Variants in MCM5 observed in about 807,000 individuals in gnomAD.
MCM5 encodes minichromosome maintenance complex component 5, also known as DNA replication licensing factor MCM5.
A neutral mutation model predicts 79.9 loss-of-function variants in MCM5; 46 were observed. The observed-to-expected ratio is 0.58, with a 90% CI of 0.45 to 0.74. The LOEUF is 0.74. MCM5 is among the 30% of genes least tolerant of loss of function. MCM5 has a pLI of 0.00. For missense variants in MCM5, 883 were observed against 1,017.0 expected (o/e 0.87, Z 1.79); for synonymous variants, 404 against 390.5 (o/e 1.03, Z -0.41).
chr22:35,401,450 C>G (rs1932048224), intron 2 of MCM5: 2 of 470,980 alleles, frequency 4.2e-6, no homozygotes, highest in Non-Finnish European at 8.8e-6. Context: ...GAAGCTGGAC[C>G]TGGCTCCTGC....
the MCM5 span, among the ~76,000 whole-genome samples, chr22:35,438,867 C>CCATT: frequency 4.0e-5 from 6 of 149,398 alleles, no homozygotes; most frequent in East Asian, 1.2e-3. Context: ...ATCCATCCAT[C>CCATT]CATCCATCCA....
chr22:35,453,425 CACAGAG>C, the MCM5 span, among the ~76,000 whole-genome samples: 60 of 127,244 alleles, frequency 4.7e-4, no homozygotes, highest in South Asian at 4.9e-4. Context: ...TTCAGAGAGA[CACAGAG>C]ACAGAGACAG....
the MCM5 span, among the ~76,000 whole-genome samples, chr22:35,450,062 G>C: frequency 1.7e-4 from 26 of 152,308 alleles, no homozygotes; most frequent in African/African-American, 5.3e-4. Context: ...GGGATGGTTG[G>C]GCCTTGGGCT....
chr22:35,421,127 CAAAAAAAAAAAAAA>C (rs133430), intron 14 of MCM5, among the ~76,000 whole-genome samples, 177 bp from the exon 15 acceptor site: 1 of 88,918 alleles, frequency 1.1e-5, no homozygotes, highest in Non-Finnish European at 2.1e-5. Flanking sequence ...GACTTTGTCT[CAAAAAAAAAAAAAA>C]AAAAAAAAAA....
chr22:35,440,162 T>TA, the MCM5 span, among the ~76,000 whole-genome samples: 1 of 152,224 alleles, frequency 6.6e-6, no homozygotes, highest in African/African-American at 2.4e-5. Context: ...TCATGATACT[T>TA]AGACTTTAAA....
the MCM5 span, among the ~76,000 whole-genome samples, chr22:35,447,805 T>G: frequency 6.6e-6 from 1 of 152,114 alleles, no homozygotes. Flanking sequence ...TCCACAGCCT[T>G]CGGGTTGGGG....
intron 6 of MCM5, chr22:35,410,308 G>A (rs778003831): frequency 1.9e-4 from 36 of 188,550 alleles, no homozygotes; most frequent in Admixed American, 7.0e-4. Flanking sequence ...GGCAAAAAGG[G>A]CGAGTGGCCC....
At chr22:35,414,845 T>A (rs1376143508) in intron 9 of MCM5, among the ~76,000 whole-genome samples, 1 of 152,036 alleles carries the variant, frequency 6.6e-6, no homozygotes, top group African/African-American at 2.4e-5. Context: ...AACCCAAGTG[T>A]CTGATGAGCT....
chr22:35,447,990 G>T, the MCM5 span, among the ~76,000 whole-genome samples: 2 of 152,160 alleles, frequency 1.3e-5, no homozygotes, highest in African/African-American at 4.8e-5. Context: ...GACCCAGCAG[G>T]TTTGATAAAA....
chr22:35,427,823 G>T (rs1417312245), downstream of MCM5, among the ~76,000 whole-genome samples: 2 of 151,638 alleles, frequency 1.3e-5, no homozygotes, highest in Non-Finnish European at 2.9e-5. Flanking sequence ...TGTTTTTATA[G>T]ATCAAAAACA....
chr22:35,421,052 C>T (rs1932678897), intron 14 of MCM5, among the ~76,000 whole-genome samples: 1 of 149,928 alleles, frequency 6.7e-6, no homozygotes. Context: ...CACTGGAGCC[C>T]AGGAGTTCGA....
chr22:35,441,912 G>A, the MCM5 span, among the ~76,000 whole-genome samples: 5 of 152,070 alleles, frequency 3.3e-5, no homozygotes, highest in Non-Finnish European at 1.5e-5. Flanking sequence ...GCCACAAGCC[G>A]GGCCTCTTGA....
chr22:35,438,508 CATCTATG>C, the MCM5 span, among the ~76,000 whole-genome samples: 2 of 147,308 alleles, frequency 1.4e-5, no homozygotes, highest in South Asian at 2.2e-4. Flanking sequence ...TCCATCCATC[CATCTATG>C]CATCCATCCA....
the MCM5 span, among the ~76,000 whole-genome samples, chr22:35,453,853 G>GAGAGAT: frequency 2.0e-5 from 3 of 149,764 alleles, no homozygotes; most frequent in African/African-American, 7.4e-5. Context: ...GAGAGATAGG[G>GAGAGAT]AGAGGGAGAG....
At chr22:35,438,707 T>TCATCCATC in the MCM5 span, among the ~76,000 whole-genome samples, 371 of 70,574 alleles carry the variant, frequency 5.3e-3, 2 homozygotes, top group Middle Eastern at 0.037. Flanking sequence ...ACCCACATAT[T>TCATCCATC]CATCCATCCA....
intron 14 of MCM5, among the ~76,000 whole-genome samples, chr22:35,420,698 T>A (rs1932671801): frequency 6.6e-6 from 1 of 152,206 alleles, no homozygotes; most frequent in Non-Finnish European, 1.5e-5. Flanking sequence ...AGAGCTTCCC[T>A]TTTAAAGGAC....
the MCM5 span, among the ~76,000 whole-genome samples, chr22:35,431,574 C>T: frequency 2.0e-5 from 3 of 152,244 alleles, no homozygotes; most frequent in African/African-American, 4.8e-5. Context: ...GATAGTTTCT[C>T]GGGTCTTGTC....
rs776891100 is a variant in MCM5 at position 35,413,892 on chromosome 22, C to G, written c.1109C>G (p.Thr370Ser). ...TCCCCCAGGCTCCCTGATGGACTTA[C>G]TCGCCGAGGAGACATCAACCTGCTG... is the stretch of plus-strand genomic sequence containing the variant. ...GSRKRLPDGL[T>S]RRGDINLLML... is the part of the protein sequence containing the mutation. Residue 370 changes from threonine to serine, a missense_variant, in exon 9 of 17, where the codon ACT (threonine) becomes AGT (serine). Coordinates refer to ENST00000216122, the MANE Select transcript of MCM5 (RefSeq NM_006739.4). 1 of 1,612,444 alleles carries G rather than the reference C, an allele frequency of 6.2e-7. No individual in the cohort carries two copies. The highest frequency in any genetic ancestry group is 8.5e-7 in the Non-Finnish European group (1 of 1,178,442).
At position 35,406,626 on chromosome 22, in the gene MCM5, C is replaced by T. The variant is rs779196875; in HGVS notation, c.497C>T (p.Thr166Ile). ...IAASAVRAKATRISIQCRSCR... is the reference protein window; with the variant it reads ...IAASAVRAKAIRISIQCRSCR... ...GCCTCTGCGGTCCGTGCCAAGGCCA[C>T]CCGCATCTCTATCCAGTGCCGCAGC... Residue 166 changes from threonine to isoleucine, a missense_variant, in exon 5 of 17, where the codon ACC becomes ATC. Physicochemically the swap from Thr to Ile is moderately conservative, Grantham distance 89. Transcript: ENST00000216122. 19 of 1,613,274 alleles carry T rather than the reference C, an allele frequency of 1.2e-5. No individual in the cohort carries two copies. In the East Asian group the frequency reaches 2.2e-4, roughly 19 times the overall value.
Sources: allele counts gnomAD v4.1 joint callset (sites outside exome capture counted in the v4.1 genomes callset), GRCh38; gene constraint gnomAD v4.1.1; transcripts MANE v1.5; gene names NCBI Gene and HGNC (gene_info 2026-07-23, HGNC 2026-07-21).